NIPA1: variants seen among roughly 807,000 people sequenced by gnomAD.
NIPA1 encodes the protein NIPA magnesium transporter 1.
Under a neutral mutation model 23.9 loss-of-function variants are expected in NIPA1, and 13 were observed. The ratio of observed to expected loss-of-function variants is 0.54; its 90% confidence interval spans 0.35 to 0.87. NIPA1 has a LOEUF of 0.87. Among genes scored for constraint, NIPA1 ranks in the 40% least tolerant of loss-of-function variants. NIPA1 has a pLI of 0.01. For synonymous variants in NIPA1, 234 were observed against 202.9 expected (o/e 1.15, Z -1.30); for missense variants, 362 against 429.7 (o/e 0.84, Z 1.39).
At chr15:22,812,400 C>T (rs2140868577) in intron 3 of NIPA1, 147 bp downstream of exon 3, 1 of 667,886 alleles carries the variant, frequency 1.5e-6, no homozygotes, top group South Asian at 1.5e-5. Context: ...GCCTGTAATC[C>T]CAGCACTTTG....
In NIPA1 at chr15:22,829,715, A is replaced by G. The variant is rs1471619128; in HGVS notation, c.*5476A>G. 1 of 152,180 alleles carries G rather than the reference A, an allele frequency of 6.6e-6. No homozygotes were observed. Among genetic ancestry groups the G allele is most frequent in the African/African-American group, 2.4e-5 (1 of 41,434 alleles). The allele number at this position is 152,180 out of a possible 1,614,324, so 9.4% of individuals were successfully genotyped here. A position where few individuals can be genotyped will look rare whatever the true frequency, so the allele number is the denominator to read the frequency against. ...GTTGTTATTGCCTCATGTAAATAAA[A>G]AGGCTATTAAGTTTTCCAGTAATAT... On this transcript the variant is annotated 3_prime_UTR_variant, in exon 5 of 5. Coordinates refer to ENST00000337435, the MANE Select transcript of NIPA1 (RefSeq NM_144599.5).
At chr15:22,789,982 C>T (rs1196210259) in intron 1 of NIPA1, among the ~76,000 whole-genome samples, 4 of 151,974 alleles carry the variant, frequency 2.6e-5, no homozygotes, top group Admixed American at 6.6e-5. Context: ...TTAGCAGAGA[C>T]GGGGTTTCAC....
chr15:22,823,961 G>T lies in NIPA1; in HGVS notation c.712G>T (p.Gly238Cys). 6.2e-7 allele frequency: 1 copy of T among 1,614,180 alleles called. No individual in the cohort carries two copies. Among genetic ancestry groups the T allele is most frequent in the Non-Finnish European group, 8.5e-7 (1 of 1,180,044 alleles). The change falls in exon 5 of 5, where the codon GGC becomes TGC. Residue 238 changes from glycine to cysteine, a missense_variant. Gly to Cys is a radical substitution (Grantham distance 159). Coordinates refer to ENST00000337435, the MANE Select transcript of NIPA1 (RefSeq NM_144599.5). ...GTGCCTGGTACTCCTGGCCGTGCTCGGCTGCAGCATCATCGTCCAGTTCAG... is the reference window on the plus strand; with the variant it reads ...GTGCCTGGTACTCCTGGCCGTGCTCTGCTGCAGCATCATCGTCCAGTTCAG... ...CLCLVLLAVL[G>C]CSIIVQFRYI...
At chr15:22,797,818 T>A (rs1309772079) in intron 1 of NIPA1, among the ~76,000 whole-genome samples, 2 of 101,176 alleles carry the variant, frequency 2.0e-5, no homozygotes, top group African/African-American at 9.0e-5. Flanking sequence ...ATATTTCTAG[T>A]CACATTCAGT....
chr15:22,809,244 G>T (rs12916650), intron 1 of NIPA1, among the ~76,000 whole-genome samples: 30,809 of 151,612 alleles, frequency 0.2, 4,906 homozygotes, highest in African/African-American at 0.45. Flanking sequence ...AAAATTAGCC[G>T]CACGTGGTGG....
chr15:22,820,206 AAAAAAGAAG>A, intron 3 of NIPA1, 98 bp from the exon 4 acceptor site: 1 of 848,480 alleles, frequency 1.2e-6, no homozygotes. Context: ...CTTAAAGGGA[AAAAAAGAAG>A]AAAAAGAAAA....
chr15:22,826,524 A>G lies in NIPA1; in HGVS notation c.*2285A>G, dbSNP rs1244021106. The G allele has an allele frequency of 1.3e-5, 2 of 152,180 alleles. No individual in the cohort carries two copies. Among genetic ancestry groups the G allele is most frequent in the Non-Finnish European group, 2.9e-5 (2 of 68,026 alleles). 9.4% of individuals were successfully genotyped at this position (152,180 alleles called of 1,614,324 possible). A position where few individuals can be genotyped will look rare whatever the true frequency, so the allele number is the denominator to read the frequency against. On this transcript the variant is annotated 3_prime_UTR_variant, in exon 5 of 5. Coordinates refer to ENST00000337435, the MANE Select transcript of NIPA1 (RefSeq NM_144599.5). ...ACATGTGGCTAACAAGTGTAATGAG[A>G]AAGTTCATGTGTCACATGAAAATGA...
intron 3 of NIPA1, 24 bp from the exon 4 acceptor site, chr15:22,820,289 A>G: frequency 6.4e-7 from 1 of 1,554,614 alleles, no homozygotes; most frequent in Non-Finnish European, 8.9e-7. Context: ...TTAAACTTTA[A>G]TGATTTCTCT....
chr15:22,822,799 C>T (rs1895565725), intron 4 of NIPA1, among the ~76,000 whole-genome samples: 1 of 151,576 alleles, frequency 6.6e-6, no homozygotes, highest in South Asian at 2.1e-4. Flanking sequence ...TGCAATCCAG[C>T]CTGGGCAACA....
intron 1 of NIPA1, among the ~76,000 whole-genome samples, chr15:22,801,346 C>T (rs1411506274): frequency 6.6e-6 from 1 of 151,956 alleles, no homozygotes. Context: ...TTGACATCTA[C>T]CCGTCATGTA....
chr15:22,794,834 T>C (rs1220180662), intron 1 of NIPA1, among the ~76,000 whole-genome samples: 3 of 152,022 alleles, frequency 2.0e-5, no homozygotes, highest in Admixed American at 1.3e-4. Context: ...TGACATGAGG[T>C]CATTGCCCCT....
At chr15:22,816,604 G>T (rs1410935193) in intron 3 of NIPA1, among the ~76,000 whole-genome samples, 1 of 141,446 alleles carries the variant, frequency 7.1e-6, no homozygotes, top group African/African-American at 2.6e-5. Context: ...TGATTCTCCT[G>T]CCTCAGCCTC....
At chr15:22,791,846 A>G (rs1322477715) in intron 1 of NIPA1, among the ~76,000 whole-genome samples, 1 of 152,138 alleles carries the variant, frequency 6.6e-6, no homozygotes, top group Non-Finnish European at 1.5e-5. Context: ...AGCGTCGTCT[A>G]CAGCATAGGC....
intron 1 of NIPA1, among the ~76,000 whole-genome samples, chr15:22,805,877 C>G (rs922484721): frequency 9.9e-5 from 15 of 152,040 alleles, no homozygotes; most frequent in African/African-American, 3.1e-4. Flanking sequence ...GGATGCCCAT[C>G]TATATTTTTA....
intron 1 of NIPA1, among the ~76,000 whole-genome samples, chr15:22,794,096 A>C (rs541720833): frequency 2.6e-5 from 4 of 151,844 alleles, no homozygotes; most frequent in African/African-American, 9.7e-5. Flanking sequence ...TTCCCTGAAA[A>C]ATATTGCTGT....
At chr15:22,816,695 T>C (rs999287431) in intron 3 of NIPA1, among the ~76,000 whole-genome samples, 3 of 150,082 alleles carry the variant, frequency 2.0e-5, no homozygotes, top group Admixed American at 6.6e-5. Context: ...TTTGCCATGT[T>C]GGCTAGGCTA....
At position 22,825,661 on chromosome 15, in the gene NIPA1, TA is replaced by T. The variant is rs1281850486; in HGVS notation, c.*1425del. ...AGTACCCTGTCATACAGGAACAAGT[TA>T]AAGGACACAATTGAGGTTAGGCTAG... On this transcript the variant is annotated 3_prime_UTR_variant, in exon 5 of 5. Transcript: ENST00000337435. 2.6e-5 allele frequency: 4 copies of T among 152,230 alleles called. No homozygotes were observed. Among genetic ancestry groups the T allele is most frequent in the Non-Finnish European group, 4.4e-5 (3 of 68,030 alleles). The allele number at this position is 152,230 out of a possible 1,614,324, so 9.4% of individuals were successfully genotyped here.
chr15:22,793,304 G>A (rs970398761), intron 1 of NIPA1, among the ~76,000 whole-genome samples: 5 of 124,402 alleles, frequency 4.0e-5, no homozygotes, highest in Admixed American at 1.1e-4. Context: ...AGCTGAGATC[G>A]CACCACTGCA....
intron 1 of NIPA1, among the ~76,000 whole-genome samples, chr15:22,800,249 A>T (rs1390920104): frequency 6.6e-6 from 1 of 152,054 alleles, no homozygotes; most frequent in Non-Finnish European, 1.5e-5. Context: ...CCCCTGTAGG[A>T]TTTTTTTGAA....
Sources: allele counts gnomAD v4.1 joint callset (sites outside exome capture counted in the v4.1 genomes callset), GRCh38; gene constraint gnomAD v4.1.1; transcripts MANE v1.5; gene names NCBI Gene and HGNC (gene_info 2026-07-23, HGNC 2026-07-21).